NIT1: variants seen among roughly 807,000 people sequenced by gnomAD.
NIT1 encodes the protein deaminated glutathione amidase.
A neutral mutation model predicts 36.8 loss-of-function variants in NIT1; 30 were observed. That is an observed-to-expected ratio of 0.82 (90% CI 0.61 to 1.11). NIT1 has a LOEUF of 1.11. Among genes scored for constraint, NIT1 ranks in the 50% least tolerant of loss-of-function variants. The probability of loss-of-function intolerance (pLI) is 0.00; values close to 1 mark genes in which losing one functional copy is unlikely to be tolerated. For missense variants in NIT1, 438 were observed against 410.6 expected (o/e 1.07, Z -0.58); for synonymous variants, 151 against 155.6 (o/e 0.97, Z 0.22).
intron 2 of NIT1, 98 bp from the exon 3 acceptor site, chr1:161,119,036 G>C (rs1397119710): frequency 6.7e-7 from 1 of 1,492,460 alleles, no homozygotes; most frequent in African/African-American, 1.4e-5. Flanking sequence ...ATGATCAAAA[G>C]GAAGTCCAGC....
chr1:161,122,477 A>G (rs772294887), downstream of NIT1: 1 of 1,614,174 alleles, frequency 6.2e-7, no homozygotes, highest in Admixed American at 1.7e-5. The surrounding 1 kb of genome is among the most constrained non-coding windows in gnomAD (Gnocchi z 4.2). Flanking sequence ...TGCCCTGCAG[A>G]GCAGTCTCAT....
At chr1:161,124,181 G>A (rs563739629), downstream of NIT1, 21 of 1,614,130 alleles carry the variant, frequency 1.3e-5, no homozygotes, top group South Asian at 1.6e-4. Context: ...GCAGGTCGTG[G>A]CGAGTGATGA....
chr1:161,118,150 C>G lies in NIT1; in HGVS notation c.-27C>G. ...CTCCAGACCGCCCTCCGGATCGGAC[C>G]CTGCGAATGGTTTTGGCTATATCTT... On this transcript the variant is annotated 5_prime_UTR_variant, in exon 1 of 7. Transcript: ENST00000368009. 3 of 1,614,006 alleles carry G rather than the reference C, an allele frequency of 1.9e-6. No individual in the cohort carries two copies. The highest frequency in any genetic ancestry group is 2.5e-6 in the Non-Finnish European group (3 of 1,179,930).
downstream of NIT1, chr1:161,122,080 C>A (rs1655563977): frequency 6.4e-7 from 1 of 1,572,964 alleles, no homozygotes; most frequent in Admixed American, 1.7e-5. This position sits in a 1 kb window ranked among gnomAD's most constrained non-coding sequence, Gnocchi z 4.2. Flanking sequence ...GAGAACAAAC[C>A]CCAGAACAGT....
downstream of NIT1, chr1:161,124,068 G>A: frequency 6.3e-7 from 1 of 1,578,322 alleles, no homozygotes; most frequent in Middle Eastern, 1.7e-4. Flanking sequence ...CCTCCCCTTT[G>A]GACGCCTATG....
downstream of NIT1, chr1:161,122,463 A>C: frequency 6.2e-7 from 1 of 1,614,144 alleles, no homozygotes; most frequent in Non-Finnish European, 8.5e-7. The surrounding 1 kb of genome is among the most constrained non-coding windows in gnomAD (Gnocchi z 4.2). Flanking sequence ...GTTAGAGAAG[A>C]CATTGCCCTG....
At chr1:161,118,435 G>A in intron 1 of NIT1, 1 of 1,536,020 alleles carries the variant, frequency 6.5e-7, no homozygotes, top group Non-Finnish European at 8.7e-7. Flanking sequence ...CTTCGAGTCA[G>A]TAAAGCTGCG....
chr1:161,124,032 CTAAG>C, downstream of NIT1: 2 of 1,581,544 alleles, frequency 1.3e-6, no homozygotes, highest in Non-Finnish European at 1.7e-6. Context: ...ACAACTTACT[CTAAG>C]TACTCCCCAG....
In NIT1 at chr1:161,120,870, A is replaced by C; in HGVS notation, c.*105A>C. 6.7e-7 allele frequency: 1 copy of C among 1,481,524 alleles called. No individual in the cohort carries two copies. Among genetic ancestry groups the C allele is most frequent in the East Asian group, 2.4e-5 (1 of 42,258 alleles). 91.8% of individuals were successfully genotyped at this position (1,481,524 alleles called of 1,614,324 possible). A position where few individuals can be genotyped will look rare whatever the true frequency, so the allele number is the denominator to read the frequency against. On this transcript the variant is annotated 3_prime_UTR_variant, in exon 7 of 7. Transcript: ENST00000368009. ...GCAGGATCCAGGCACAGCTCCCCTC[A>C]CTTGGAGAACCTTGACTCTCTTGAT...
chr1:161,123,722 G>C (rs569426119), downstream of NIT1: 5 of 850,682 alleles, frequency 5.9e-6, no homozygotes, highest in South Asian at 9.3e-5. Flanking sequence ...TTTTTTTTAT[G>C]GGGCAAGATG....
rs779029144 is a variant in NIT1, at chr1:161,120,574, A to G, written c.793A>G (p.Lys265Glu). Reference sequence around the variant, plus strand: ...AGCACAGTGTGGACGCCACCATGAGAAGAGAGCAAGTTATGGCCACAGCAT... The same window carrying G: ...AGCACAGTGTGGACGCCACCATGAGGAGAGAGCAAGTTATGGCCACAGCAT... ...AAAQCGRHHEKRASYGHSMVV... is the reference protein window; with the variant it reads ...AAAQCGRHHEERASYGHSMVV... Residue 265 changes from lysine (K) to glutamate (E), a missense_variant, in exon 7 of 7, where the codon AAG becomes GAG. Physicochemically the swap from Lys to Glu is moderately conservative, Grantham distance 56. Coordinates refer to ENST00000368009, the MANE Select transcript of NIT1 (RefSeq NM_005600.3). The G allele has an allele frequency of 4.3e-6, 7 of 1,614,036 alleles. No homozygotes were observed. In the African/African-American group the frequency reaches 6.7e-5, roughly 15 times the overall value.
chr1:161,120,622 G>C lies in NIT1; in HGVS notation c.841G>C (p.Val281Leu). ...CATGGTGGTAGACCCCTGGGGAACA[G>C]TGGTGGCCCGCTGCTCTGAGGGGCC... ...HSMVVDPWGT[V>L]VARCSEGPGL... Residue 281 changes from valine to leucine, a missense_variant, in exon 7 of 7, where the codon GTG becomes CTG. Val to Leu is a conservative substitution (Grantham distance 32). Transcript: ENST00000368009. 6.2e-7 allele frequency: 1 copy of C among 1,614,248 alleles called. No homozygotes were observed. The highest frequency in any genetic ancestry group is 8.5e-7 in the Non-Finnish European group (1 of 1,180,046).
At chr1:161,122,527 T>C (rs1264108425), downstream of NIT1, 4 of 1,612,588 alleles carry the variant, frequency 2.5e-6, no homozygotes, top group East Asian at 2.2e-5. The surrounding 1 kb of genome is among the most constrained non-coding windows in gnomAD (Gnocchi z 4.2). Flanking sequence ...CTGATGTCTG[T>C]TGGAAACAGA....
At chr1:161,123,175 C>A (rs926267043), downstream of NIT1, 4 of 1,614,068 alleles carry the variant, frequency 2.5e-6, no homozygotes, top group Non-Finnish European at 3.4e-6. Context: ...TGCTACACAT[C>A]TGAGGACCCG....
downstream of NIT1, chr1:161,121,307 G>C (rs1655465281): frequency 4.5e-6 from 2 of 442,824 alleles, no homozygotes; most frequent in African/African-American, 2.1e-5. Context: ...GCCCAAGCCA[G>C]AAGAAAGCAA....
At position 161,119,575 on chromosome 1, in the gene NIT1, G is replaced by GA. The variant is rs1378457937; in HGVS notation, c.424dup (p.Ile142AsnfsTer25). On this transcript the variant is annotated frameshift_variant, in exon 4 of 7. Transcript: ENST00000368009. LOFTEE classifies it high-confidence loss of function. ...GTGGCCAAGACTGGGAGCAGACTCA[G>GA]AAAATCTACAATTGTCACGTGCTGC... 4.3e-6 allele frequency: 7 copies of GA among 1,614,188 alleles called. No individual in the cohort carries two copies. Among genetic ancestry groups the GA allele is most frequent in the East Asian group, 4.5e-5 (2 of 44,878 alleles).
At chr1:161,124,584 A>C, downstream of NIT1, 1 of 1,459,758 alleles carries the variant, frequency 6.9e-7, no homozygotes, top group Non-Finnish European at 9.0e-7. Flanking sequence ...AGTCTCATGC[A>C]TTCCCATATT....
intron 4 of NIT1, 48 bp from the exon 5 acceptor site, chr1:161,119,767 TAAGC>T (rs780849780): frequency 4.4e-6 from 7 of 1,573,298 alleles, no homozygotes; most frequent in Non-Finnish European, 6.0e-6. Context: ...TTGGGAGGAG[TAAGC>T]AAGGCTTCTA....
intron 4 of NIT1, 47 bp downstream of exon 4, chr1:161,119,659 C>CATAAA: frequency 6.3e-7 from 1 of 1,576,662 alleles, no homozygotes; most frequent in South Asian, 1.1e-5. Context: ...TGCTCTTCTA[C>CATAAA]CTAGATTCTC....
Sources: gnomAD v4.1 joint callset for allele counts on GRCh38, gnomAD v4.1.1 for gene constraint, Gnocchi (gnomAD v3.1) non-coding constraint, MANE v1.5 for transcripts, NCBI Gene and HGNC (gene_info 2026-07-23, HGNC 2026-07-21) for gene names.